The following NFIB variants were observed in gnomAD, a reference collection of about 807,000 sequenced individuals.
NFIB encodes nuclear factor I B, also known as nuclear factor 1 B-type.
A neutral mutation model predicts 61.5 loss-of-function variants in NFIB; 11 were observed. The ratio of observed to expected loss-of-function variants is 0.18; its 90% CI spans 0.11 to 0.30. The LOEUF (loss-of-function observed/expected upper bound fraction) is 0.30. Among genes scored for constraint, NFIB ranks in the 10% least tolerant of loss-of-function variants. The pLI, the probability that NFIB is intolerant of heterozygous loss-of-function variation, is 1.00. For synonymous variants in NFIB, 260 were observed against 216.5 expected (o/e 1.20, Z -1.76); for missense variants, 471 against 608.9 (o/e 0.77, Z 2.38).
intron 1 of NFIB, among the ~76,000 whole-genome samples, chr9:14,365,763 GTTTTTCTAA>G (rs1335784132): frequency 1.3e-5 from 2 of 152,296 alleles, no homozygotes; most frequent in East Asian, 3.9e-4. Flanking sequence ...AAGTTTTTAA[GTTTTTCTAA>G]TGAATCACAG....
chr9:14,278,640 G>A (rs1351953480), intron 2 of NFIB, among the ~76,000 whole-genome samples: 1 of 152,180 alleles, frequency 6.6e-6, no homozygotes, highest in Non-Finnish European at 1.5e-5. Context: ...GCGGGAAGCT[G>A]GGACAGAACC....
chr9:14,239,920 T>G (rs2054178238), intron 2 of NFIB, among the ~76,000 whole-genome samples: 1 of 151,938 alleles, frequency 6.6e-6, no homozygotes, highest in African/African-American at 2.4e-5. Context: ...TGAAGAAAAT[T>G]TAGAGGGGAT....
the NFIB span, among the ~76,000 whole-genome samples, chr9:14,408,643 T>C: frequency 2.6e-4 from 40 of 152,330 alleles, no homozygotes; most frequent in South Asian, 8.1e-3. Flanking sequence ...TTATTTTGAA[T>C]GGTCATGGGT....
intron 2 of NFIB, among the ~76,000 whole-genome samples, chr9:14,203,106 T>C (rs2049238379): frequency 6.6e-6 from 1 of 152,220 alleles, no homozygotes; most frequent in African/African-American, 2.4e-5. Context: ...AAGTGATTTT[T>C]ACCTCCTTCT....
At chr9:14,176,218 A>T (rs974044074) in intron 3 of NFIB, among the ~76,000 whole-genome samples, 1 of 150,994 alleles carries the variant, frequency 6.6e-6, no homozygotes, top group African/African-American at 2.4e-5. Context: ...CCAAGAGAGG[A>T]CATTTTTAGT....
intron 2 of NFIB, among the ~76,000 whole-genome samples, chr9:14,284,802 A>T (rs1023206441): frequency 1.2e-4 from 19 of 152,230 alleles, no homozygotes; most frequent in South Asian, 6.2e-4. Context: ...TGAGTGGGAT[A>T]GGGAAGATCT....
At chr9:14,145,341 G>C (rs2042169593) in intron 6 of NFIB, among the ~76,000 whole-genome samples, 1 of 152,030 alleles carries the variant, frequency 6.6e-6, no homozygotes, top group African/African-American at 2.4e-5. Flanking sequence ...TTCTTTACTA[G>C]TTAAAATCTC....
the NFIB span, among the ~76,000 whole-genome samples, chr9:14,479,536 T>C: frequency 6.6e-6 from 1 of 152,176 alleles, no homozygotes; most frequent in African/African-American, 2.4e-5. Flanking sequence ...TCCTTGCACA[T>C]GTTGGCAAAG....
At chr9:14,231,749 A>T (rs2053217007) in intron 2 of NFIB, among the ~76,000 whole-genome samples, 1 of 152,192 alleles carries the variant, frequency 6.6e-6, no homozygotes, top group South Asian at 2.1e-4. Flanking sequence ...TGGCTCCTAC[A>T]AGAGAACTGC....
At chr9:14,406,324 C>A in the NFIB span, among the ~76,000 whole-genome samples, 1 of 152,136 alleles carries the variant, frequency 6.6e-6, no homozygotes, top group Non-Finnish European at 1.5e-5. Flanking sequence ...ATGTTTACTG[C>A]AATTATTTTG....
intron 6 of NFIB, among the ~76,000 whole-genome samples, chr9:14,134,491 A>C (rs752117982): frequency 1.3e-5 from 2 of 152,176 alleles, no homozygotes; most frequent in Non-Finnish European, 2.9e-5. Context: ...TGTTCACTGT[A>C]TCTCTCTTTA....
intron 6 of NFIB, among the ~76,000 whole-genome samples, chr9:14,138,372 T>C (rs1460797598): frequency 6.6e-6 from 1 of 152,088 alleles, no homozygotes; most frequent in Non-Finnish European, 1.5e-5. Context: ...AGGCGAATAA[T>C]CAGTGTAGGC....
chr9:14,361,185 CAGA>C (rs2061235552), intron 1 of NFIB: 1 of 149,994 alleles, frequency 6.7e-6, no homozygotes, highest in Non-Finnish European at 1.5e-5. Flanking sequence ...TAATTAAATT[CAGA>C]TAAGTTTAAC....
chr9:14,364,286 T>G (rs571228989), intron 1 of NFIB, among the ~76,000 whole-genome samples: 2 of 152,160 alleles, frequency 1.3e-5, no homozygotes, highest in Admixed American at 6.5e-5. Context: ...TGGAGTTTTT[T>G]TGGCTTTGTG....
intron 1 of NFIB, among the ~76,000 whole-genome samples, chr9:14,329,582 T>C (rs926528878): frequency 3.3e-5 from 5 of 152,036 alleles, no homozygotes; most frequent in African/African-American, 9.6e-5. Flanking sequence ...TGGCGCAACC[T>C]CGGCTCACTG....
chr9:14,335,648 T>C (rs1467019164), intron 1 of NFIB, among the ~76,000 whole-genome samples: 2 of 152,208 alleles, frequency 1.3e-5, no homozygotes, highest in African/African-American at 4.8e-5. Context: ...TGCTTTTCAG[T>C]CTTCTAACAG....
intron 2 of NFIB, among the ~76,000 whole-genome samples, chr9:14,273,873 C>T (rs1045614637): frequency 9.9e-5 from 15 of 152,184 alleles, no homozygotes; most frequent in African/African-American, 3.4e-4. Flanking sequence ...GAGCTGTAGG[C>T]TTTTGGTGCC....
intron 2 of NFIB, among the ~76,000 whole-genome samples, chr9:14,237,698 A>G (rs1484641922): frequency 6.6e-6 from 1 of 151,802 alleles, no homozygotes; most frequent in Non-Finnish European, 1.5e-5. Flanking sequence ...GCCGATCTAC[A>G]TTGTTTCTTA....
chr9:14,212,737 A>G (rs2050446761), intron 2 of NFIB, among the ~76,000 whole-genome samples: 1 of 152,228 alleles, frequency 6.6e-6, no homozygotes, highest in African/African-American at 2.4e-5. Context: ...ATATGATAAA[A>G]AAATACTGCT....
Sources: gnomAD v4.1 joint callset for allele counts (sites outside exome capture counted in the v4.1 genomes callset) on GRCh38, gnomAD v4.1.1 for gene constraint, MANE v1.5 for transcripts, NCBI Gene and HGNC (gene_info 2026-07-23, HGNC 2026-07-21) for gene names.